Variants in KDELR1 observed in about 807,000 individuals in gnomAD.
KDELR1 encodes the protein KDEL endoplasmic reticulum protein retention receptor 1.
KDELR1 carries 16 observed loss-of-function variants against 25.5 expected under a neutral mutation model. That is an observed-to-expected ratio of 0.63 (90% CI 0.43 to 0.95). The LOEUF (loss-of-function observed/expected upper bound fraction) is 0.95. KDELR1 is among the 40% of genes least tolerant of loss of function. KDELR1 has a pLI of 0.00. For synonymous variants in KDELR1, 121 were observed against 115.0 expected (o/e 1.05, Z -0.33); for missense variants, 159 against 265.2 (o/e 0.60, Z 2.78).
chr19:48,389,407 C>T, intron 3 of KDELR1, 146 bp downstream of exon 3: 1 of 846,622 alleles, frequency 1.2e-6, no homozygotes, highest in East Asian at 2.5e-5. Context: ...TTCCTCTGAC[C>T]CCAGAGCCCA....
chr19:48,389,315 T>C (rs564038152), intron 3 of KDELR1, among the ~76,000 whole-genome samples: 1 of 152,246 alleles, frequency 6.6e-6, no homozygotes, highest in East Asian at 1.9e-4. Flanking sequence ...ATCTGTAAAG[T>C]GGGGCTGCTG....
At chr19:48,393,176 G>A (rs932926103), upstream of KDELR1, among the ~76,000 whole-genome samples, 1 of 151,942 alleles carries the variant, frequency 6.6e-6, no homozygotes, top group Admixed American at 6.6e-5. This position sits in a 1 kb window ranked among gnomAD's most constrained non-coding sequence, Gnocchi z 5.6. Flanking sequence ...CGACTTGGAG[G>A]CGGTCCCCAA....
At chr19:48,383,410 G>A in intron 4 of KDELR1, 83 bp from the exon 5 acceptor site, 2 of 1,287,938 alleles carry the variant, frequency 1.6e-6, no homozygotes, top group Non-Finnish European at 2.2e-6. Flanking sequence ...GAGCAGGGCA[G>A]GCACGCTAGA....
chr19:48,383,415 G>A (rs781369635), intron 4 of KDELR1, 88 bp from the exon 5 acceptor site: 242 of 1,182,124 alleles, frequency 2.0e-4, no homozygotes, highest in Admixed American at 3.8e-4. Flanking sequence ...GGGCAGGCAC[G>A]CTAGATGGGC....
chr19:48,394,362 C>T (rs906601842), upstream of KDELR1, among the ~76,000 whole-genome samples: 2 of 150,664 alleles, frequency 1.3e-5, no homozygotes, highest in Admixed American at 6.6e-5. The surrounding 1 kb of genome is among the most constrained non-coding windows in gnomAD (Gnocchi z 5.1). Context: ...AAGCAGTTCC[C>T]CAAGCAGGCA....
chr19:48,392,520 C>T (rs188074088), upstream of KDELR1, among the ~76,000 whole-genome samples: 159 of 152,318 alleles, frequency 1.0e-3, no homozygotes, highest in Middle Eastern at 3.4e-3. Context: ...TAGGGTCCCA[C>T]CCCCACCATC....
Position 48,384,124 on chromosome 19 carries a change from G to C in KDELR1, c.604+106C>G, listed in dbSNP as rs1970476466. 1 of 1,404,386 alleles carries C rather than the reference G, an allele frequency of 7.1e-7. No individual in the cohort carries two copies. The highest frequency in any genetic ancestry group is 2.3e-5 in the East Asian group (1 of 43,476). The allele number at this position is 1,404,386 out of a possible 1,614,324, so 87.0% of individuals were successfully genotyped here. ...CACCCCAGAAACCCGGCGAAGAAAT[G>C]CTCCCTTCTTTGCATAATACAGGGG... On this transcript the variant is annotated intron_variant, in intron 4 of 4. Transcript: ENST00000330720. This position sits in a 1 kb window ranked among gnomAD's most constrained non-coding sequence, Gnocchi z 4.6.
At chr19:48,392,855 T>C (rs1970576683), upstream of KDELR1, among the ~76,000 whole-genome samples, 1 of 152,100 alleles carries the variant, frequency 6.6e-6, no homozygotes, top group Non-Finnish European at 1.5e-5. Context: ...GGTGGCTTTA[T>C]AAAAGTGCCG....
chr19:48,395,295 C>T (rs276715), upstream of KDELR1, among the ~76,000 whole-genome samples: 40,802 of 150,196 alleles, frequency 0.27, 5,801 homozygotes, highest in East Asian at 0.42. Flanking sequence ...CATCGCGAGC[C>T]GGTCCTCTCC....
intron 3 of KDELR1, among the ~76,000 whole-genome samples, chr19:48,386,102 G>A (rs920959383): frequency 1.3e-5 from 2 of 151,076 alleles, no homozygotes; most frequent in African/African-American, 4.9e-5. Flanking sequence ...GAGACAGAAG[G>A]TCTGTTGCTT....
At chr19:48,392,167 G>A (rs534742796), upstream of KDELR1, among the ~76,000 whole-genome samples, 1 of 134,518 alleles carries the variant, frequency 7.4e-6, no homozygotes, top group Non-Finnish European at 1.6e-5. Flanking sequence ...AGACCCAGGA[G>A]TCCAGGCCCC....
At chr19:48,391,828 G>A (rs535490729), upstream of KDELR1, among the ~76,000 whole-genome samples, 5 of 152,124 alleles carry the variant, frequency 3.3e-5, no homozygotes, top group Non-Finnish European at 7.4e-5. Flanking sequence ...TGCCCTCTGA[G>A]CTTGAAAAAT....
Position 48,384,017 on chromosome 19 carries a change from T to C in KDELR1, c.604+213A>G, listed in dbSNP as rs994544014. Among the ~76,000 whole-genome samples, 1 of 152,176 alleles carries C rather than the reference T, an allele frequency of 6.6e-6. No individual in the cohort carries two copies. The highest frequency in any genetic ancestry group is 1.5e-5 in the Non-Finnish European group (1 of 68,034). The stretch of plus-strand genomic sequence containing the variant: ...TGCCTGGCCTACGCTCCAAGTGACA[T>C]GGGGGCTAAGGACAGAAACTCCTTA... On this transcript the variant is annotated intron_variant, in intron 4 of 4. Coordinates refer to ENST00000330720, the MANE Select transcript of KDELR1 (RefSeq NM_006801.3). The surrounding 1 kb of genome is among the most constrained non-coding windows in gnomAD (Gnocchi z 4.6).
chr19:48,396,387 C>T (rs996959490), upstream of KDELR1, among the ~76,000 whole-genome samples: 1 of 151,966 alleles, frequency 6.6e-6, no homozygotes, highest in African/African-American at 2.4e-5. Flanking sequence ...CCTCCTGGGC[C>T]TCAGTAGGGA....
chr19:48,385,430 C>T (rs1265358791), intron 3 of KDELR1, among the ~76,000 whole-genome samples: 1 of 152,216 alleles, frequency 6.6e-6, no homozygotes. Flanking sequence ...ACTTCTTGTT[C>T]ACCCCGTGGC....
At chr19:48,397,393 T>A in the KDELR1 span, among the ~76,000 whole-genome samples, 1 of 152,084 alleles carries the variant, frequency 6.6e-6, no homozygotes, top group South Asian at 2.1e-4. Context: ...CCGCCTTACT[T>A]TCATGTCTGT....
At chr19:48,383,358 C>T (rs1970471504) in intron 4 of KDELR1, 31 bp from the exon 5 acceptor site, 4 of 1,550,530 alleles carry the variant, frequency 2.6e-6, no homozygotes, top group Non-Finnish European at 3.5e-6. Context: ...GAGGGCATTA[C>T]CGCTGGGGCC....
chr19:48,395,208 C>T (rs964783872), upstream of KDELR1, among the ~76,000 whole-genome samples: 1 of 151,912 alleles, frequency 6.6e-6, no homozygotes, highest in African/African-American at 2.4e-5. Context: ...CCCCACATAC[C>T]TGATGCCCCA....
Position 48,383,245 on chromosome 19 carries a change from T to G in KDELR1, c.*48A>C, listed in dbSNP as rs749228576. On this transcript the variant is annotated 3_prime_UTR_variant, in exon 5 of 5. Transcript: ENST00000330720. ...GAAAGCTCTTCATCTTCTGCCGCCT[T>G]CCTCTGCCTCCCGCTGCTGCCGAGG... is the stretch of plus-strand genomic sequence containing the variant. 64 of 1,545,006 alleles carry G rather than the reference T, an allele frequency of 4.1e-5. No homozygotes were observed. In the East Asian group the frequency reaches 1.5e-3, roughly 35 times the overall value.
Sources: allele counts gnomAD v4.1 joint callset (sites outside exome capture counted in the v4.1 genomes callset), GRCh38; gene constraint gnomAD v4.1.1; non-coding constraint Gnocchi (gnomAD v3.1); transcripts MANE v1.5; gene names NCBI Gene and HGNC (gene_info 2026-07-23, HGNC 2026-07-21).